The following NVL variants were observed in gnomAD, a reference collection of about 807,000 sequenced individuals.
The protein encoded by NVL is nuclear valosin-containing protein-like.
Under a neutral mutation model 110.2 loss-of-function variants are expected in NVL, and 84 were observed. The observed-to-expected ratio is 0.76, with a 90% CI of 0.64 to 0.91. NVL has a LOEUF of 0.91. NVL is among the 40% of genes least tolerant of loss of function. The probability of loss-of-function intolerance (pLI) is 0.00; values close to 1 mark genes in which losing one functional copy is unlikely to be tolerated. For missense variants in NVL, 882 were observed against 1,035.9 expected (o/e 0.85, Z 2.04); for synonymous variants, 354 against 361.1 (o/e 0.98, Z 0.22).
intron 16 of NVL, among the ~76,000 whole-genome samples, chr1:224,277,653 C>T (rs933226902): frequency 8.5e-5 from 13 of 152,156 alleles, no homozygotes; most frequent in Non-Finnish European, 1.6e-4. Context: ...GAAACATATG[C>T]AACATTTCAA....
chr1:224,260,050 T>G (rs1373580744), intron 18 of NVL, among the ~76,000 whole-genome samples: 1 of 152,100 alleles, frequency 6.6e-6, no homozygotes, highest in Non-Finnish European at 1.5e-5. Flanking sequence ...ATAACCTAAT[T>G]TTAAAAGGGC....
At chr1:224,296,383 CTT>C in intron 11 of NVL, 116 bp downstream of exon 11, 1 of 564,962 alleles carries the variant, frequency 1.8e-6, no homozygotes, top group Non-Finnish European at 2.9e-6. Flanking sequence ...CCCAGTATGA[CTT>C]TTTTTTTACA....
At chr1:224,232,353 AAAAAATAAATAAAT>A in intron 21 of NVL, among the ~76,000 whole-genome samples, 1 of 152,000 alleles carries the variant, frequency 6.6e-6, no homozygotes, top group East Asian at 1.9e-4. Context: ...TCTGTCTCAA[AAAAAATAAATAAAT>A]AAAAATAAAA....
At chr1:224,249,579 C>T (rs1662238194) in intron 19 of NVL, among the ~76,000 whole-genome samples, 3 of 152,108 alleles carry the variant, frequency 2.0e-5, no homozygotes, top group African/African-American at 7.2e-5. Flanking sequence ...CCCGTCTCTA[C>T]TAAAAAACAC....
chr1:224,274,160 G>A (rs556938749), intron 17 of NVL, among the ~76,000 whole-genome samples: 37 of 151,906 alleles, frequency 2.4e-4, no homozygotes, highest in Non-Finnish European at 4.3e-4. Flanking sequence ...GTGCGGTGGC[G>A]GGCGCCTGTA....
intron 18 of NVL, among the ~76,000 whole-genome samples, chr1:224,259,242 C>T (rs1558267771): frequency 6.6e-6 from 1 of 152,050 alleles, no homozygotes; most frequent in Non-Finnish European, 1.5e-5. Context: ...GTGCGCACCA[C>T]CATGCCCTGC....
chr1:224,249,497 C>T (rs929662507), intron 19 of NVL, among the ~76,000 whole-genome samples: 1 of 152,070 alleles, frequency 6.6e-6, no homozygotes, highest in Admixed American at 6.6e-5. Flanking sequence ...GTAATCCCAG[C>T]ACTTTGGGAG....
chr1:224,288,562 T>C (rs1281535642), intron 13 of NVL, among the ~76,000 whole-genome samples: 1 of 152,110 alleles, frequency 6.6e-6, no homozygotes, highest in African/African-American at 2.4e-5. Flanking sequence ...ATATGCAATA[T>C]TATAAAAGGA....
chr1:224,273,584 A>G (rs1665422659), intron 17 of NVL, among the ~76,000 whole-genome samples: 1 of 152,212 alleles, frequency 6.6e-6, no homozygotes, highest in Non-Finnish European at 1.5e-5. Flanking sequence ...ACAGTTGACA[A>G]TGAACCTCTC....
intron 13 of NVL, 87 bp downstream of exon 13, chr1:224,289,397 A>G (rs1384535066): frequency 7.3e-7 from 1 of 1,371,258 alleles, no homozygotes; most frequent in Admixed American, 2.2e-5. Context: ...GAAAGTAATG[A>G]ACCTCAATTG....
At chr1:224,296,706 T>C in intron 10 of NVL, 88 bp from the exon 11 acceptor site, 3 of 814,828 alleles carry the variant, frequency 3.7e-6, no homozygotes, top group African/African-American at 1.7e-5. Context: ...AAAAAAAATC[T>C]TCAAGGTCAA....
Position 224,250,220 on chromosome 1 carries a change from T to C in NVL, c.2281A>G (p.Ile761Val). ...PADRLAILKT[I>V]TKNGTKPPLD... The stretch of plus-strand genomic sequence containing the variant: ...CCATTTCCTTTACTCACTTTTGTGA[T>C]AGTTTTTAAGATGGCAAGGCGATCT... The change falls in exon 19 of 23, where the codon ATC becomes GTC. Residue 761 changes from isoleucine (I) to valine (V), a missense_variant. Transcript: ENST00000281701. 1 of 1,610,376 alleles carries C rather than the reference T, an allele frequency of 6.2e-7. No homozygotes were observed. Among genetic ancestry groups the C allele is most frequent in the Non-Finnish European group, 8.5e-7 (1 of 1,178,824 alleles).
chr1:224,322,125 CG>C (rs1256636184), intron 2 of NVL, among the ~76,000 whole-genome samples: 6 of 152,132 alleles, frequency 3.9e-5, no homozygotes, highest in African/African-American at 1.4e-4. Context: ...CTGTCACCCA[CG>C]CTTCAGTGCA....
intron 18 of NVL, among the ~76,000 whole-genome samples, chr1:224,253,477 G>A (rs1662752640): frequency 6.6e-6 from 1 of 151,552 alleles, no homozygotes; most frequent in South Asian, 2.1e-4. Flanking sequence ...GCTCACGCCT[G>A]TAATCCCAGC....
intron 19 of NVL, 27 bp downstream of exon 19, chr1:224,250,185 C>T (rs773933556): frequency 1.9e-5 from 31 of 1,601,188 alleles, no homozygotes; most frequent in Non-Finnish European, 2.3e-5. Flanking sequence ...GAAACATATA[C>T]AAAAATATAC....
At chr1:224,283,248 G>A (rs1171914851) in intron 15 of NVL, among the ~76,000 whole-genome samples, 1 of 152,172 alleles carries the variant, frequency 6.6e-6, no homozygotes. Flanking sequence ...AGCACTTTGG[G>A]AGGCTGACAC....
chr1:224,252,430 T>G (rs1662607439), intron 18 of NVL, among the ~76,000 whole-genome samples: 1 of 152,136 alleles, frequency 6.6e-6, no homozygotes, highest in Non-Finnish European at 1.5e-5. Flanking sequence ...TTCTTATAGC[T>G]CACAATGTTC....
At chr1:224,279,568 A>G (rs1266950563) in intron 16 of NVL, among the ~76,000 whole-genome samples, 1 of 152,214 alleles carries the variant, frequency 6.6e-6, no homozygotes, top group African/African-American at 2.4e-5. Flanking sequence ...TTATAACTAA[A>G]GAGATATAAC....
chr1:224,244,158 G>A (rs60156133), intron 19 of NVL, among the ~76,000 whole-genome samples: 8 of 151,090 alleles, frequency 5.3e-5, no homozygotes, highest in Admixed American at 2.6e-4. Context: ...ACATGAGGTC[G>A]GGAGTTCGAG....
Sources: gnomAD v4.1 joint callset for allele counts (sites outside exome capture counted in the v4.1 genomes callset) on GRCh38, gnomAD v4.1.1 for gene constraint, MANE v1.5 for transcripts, NCBI Gene and HGNC (gene_info 2026-07-23, HGNC 2026-07-21) for gene names.